Variants in DOCK4 observed in about 807,000 individuals in gnomAD.
DOCK4 encodes the protein dedicator of cytokinesis protein 4.
Under a neutral mutation model 268.1 loss-of-function variants are expected in DOCK4, and 97 were observed. That is an observed-to-expected ratio of 0.36 (90% CI 0.31 to 0.43). The LOEUF (loss-of-function observed/expected upper bound fraction) is 0.43. Ranked by LOEUF, DOCK4 falls within the 20% of genes least tolerant of loss-of-function variation. The probability of loss-of-function intolerance (pLI) is 1.00; values close to 1 mark genes in which losing one functional copy is unlikely to be tolerated. For synonymous variants in DOCK4, 954 were observed against 887.2 expected, an observed-to-expected ratio of 1.08 and a Z score of -1.34; for missense variants, 2,145 against 2,455.7, an observed-to-expected ratio of 0.87 and a Z score of 2.67.
At chr7:111,860,997 G>T (rs1024830083) in intron 23 of DOCK4, among the ~76,000 whole-genome samples, 1 of 152,158 alleles carries the variant, frequency 6.6e-6, no homozygotes, top group African/African-American at 2.4e-5. Flanking sequence ...ACTTAACAAA[G>T]AATTATCTGG....
chr7:111,950,861 T>C (rs954964203), intron 8 of DOCK4, among the ~76,000 whole-genome samples: 4 of 152,226 alleles, frequency 2.6e-5, no homozygotes, highest in African/African-American at 4.8e-5. Context: ...AAAACTATAC[T>C]GATATGTTTT....
chr7:111,903,731 G>A (rs550967043), intron 13 of DOCK4, among the ~76,000 whole-genome samples: 1 of 152,276 alleles, frequency 6.6e-6, no homozygotes, highest in African/African-American at 2.4e-5. Context: ...AGAGGTTTGG[G>A]AGGAAATTCT....
chr7:112,192,016 CTT>C (rs1819998038), intron 1 of DOCK4, among the ~76,000 whole-genome samples: 2 of 147,508 alleles, frequency 1.4e-5, no homozygotes, highest in East Asian at 2.0e-4. Flanking sequence ...TAGTATATAA[CTT>C]AAACATAGTA....
In DOCK4 at chr7:111,892,341, C is replaced by T. The variant is rs138185095; in HGVS notation, c.1587+3271G>A. Among the ~76,000 whole-genome samples the T allele has an allele frequency of 6.6e-5, 10 of 152,300 alleles. No individual in the cohort carries two copies. In the East Asian group the frequency reaches 1.9e-3, roughly 29 times the overall value. ...TCAGCCTCCCAAGTAGCTGGGATTA[C>T]AGGCACCCATGACCACGCTGGACTA... On this transcript the variant is annotated intron_variant, in intron 16 of 52. Coordinates refer to ENST00000428084, the MANE Select transcript of DOCK4 (RefSeq NM_001363540.2).
intron 30 of DOCK4, among the ~76,000 whole-genome samples, chr7:111,797,350 C>A (rs1308058589): frequency 1.3e-5 from 2 of 152,114 alleles, no homozygotes; most frequent in Non-Finnish European, 2.9e-5. Context: ...ATTATAGAAC[C>A]TTAGGCAAAT....
At chr7:111,816,198 TA>T (rs1172702659) in intron 27 of DOCK4, among the ~76,000 whole-genome samples, 6 of 152,168 alleles carry the variant, frequency 3.9e-5, no homozygotes, top group African/African-American at 1.4e-4. Flanking sequence ...TCCAATTTGA[TA>T]ATCTGCTCAT....
intron 13 of DOCK4, among the ~76,000 whole-genome samples, chr7:111,913,801 G>A (rs968736020): frequency 1.3e-5 from 2 of 151,174 alleles, no homozygotes; most frequent in Non-Finnish European, 2.9e-5. Flanking sequence ...AGGATCACTT[G>A]AGCCCAGGAG....
At chr7:111,770,825 G>A (rs142659229) in intron 36 of DOCK4, among the ~76,000 whole-genome samples, 159 of 152,216 alleles carry the variant, frequency 1.0e-3, no homozygotes, top group African/African-American at 3.7e-3. Flanking sequence ...TGCCTTTAGG[G>A]TAACTACACA....
chr7:112,110,451 C>A (rs1811551355), intron 1 of DOCK4, among the ~76,000 whole-genome samples: 1 of 152,130 alleles, frequency 6.6e-6, no homozygotes, highest in African/African-American at 2.4e-5. Flanking sequence ...GCCAAAAAAC[C>A]AAATGGGATA....
chr7:112,073,498 T>C (rs1807789232), intron 1 of DOCK4, among the ~76,000 whole-genome samples: 1 of 152,094 alleles, frequency 6.6e-6, no homozygotes, highest in Non-Finnish European at 1.5e-5. Flanking sequence ...TAAAATGTAA[T>C]GTAAAAAAGG....
At chr7:112,110,064 A>T (rs1811514530) in intron 1 of DOCK4, among the ~76,000 whole-genome samples, 1 of 152,138 alleles carries the variant, frequency 6.6e-6, no homozygotes, top group Non-Finnish European at 1.5e-5. Flanking sequence ...CTTTGAACAC[A>T]GCATTGTATC....
intron 20 of DOCK4, among the ~76,000 whole-genome samples, chr7:111,869,860 C>T (rs1806268144): frequency 6.6e-6 from 1 of 152,090 alleles, no homozygotes; most frequent in Non-Finnish European, 1.5e-5. Context: ...AGAAACAACA[C>T]TCAATCTGGA....
At chr7:111,852,334 A>G (rs1038695878) in intron 23 of DOCK4, among the ~76,000 whole-genome samples, 10 of 152,282 alleles carry the variant, frequency 6.6e-5, no homozygotes, top group African/African-American at 2.2e-4. Flanking sequence ...CAGGTTTAGC[A>G]TCAAAACAGA....
chr7:111,784,393 G>T (rs1013929969), intron 32 of DOCK4: 5 of 639,364 alleles, frequency 7.8e-6, no homozygotes, highest in Non-Finnish European at 1.4e-5. Flanking sequence ...CCTCTCAGTG[G>T]AATGCATCTT....
chr7:111,879,223 C>A (rs138391376), intron 16 of DOCK4, among the ~76,000 whole-genome samples: 1,669 of 152,108 alleles, frequency 0.011, 15 homozygotes, highest in Middle Eastern at 0.037. Flanking sequence ...CATCCTGGGC[C>A]AAAAGGGAGC....
chr7:112,081,868 G>T (rs1808617994), intron 1 of DOCK4, among the ~76,000 whole-genome samples: 1 of 152,162 alleles, frequency 6.6e-6, no homozygotes, highest in Non-Finnish European at 1.5e-5. Context: ...GACCAAAAGA[G>T]GAAGATCACA....
At chr7:111,930,921 GT>G (rs994140927) in intron 12 of DOCK4, among the ~76,000 whole-genome samples, 71 of 152,306 alleles carry the variant, frequency 4.7e-4, no homozygotes, top group Middle Eastern at 6.8e-3. Context: ...CTTTAAATTA[GT>G]TTTTAGGCTT....
At chr7:111,813,684 A>G (rs906721877) in intron 27 of DOCK4, among the ~76,000 whole-genome samples, 1 of 152,222 alleles carries the variant, frequency 6.6e-6, no homozygotes, top group African/African-American at 2.4e-5. Context: ...AATGGCAGAT[A>G]TCATCAGTGC....
intron 1 of DOCK4, among the ~76,000 whole-genome samples, chr7:112,174,237 A>G (rs1298812068): frequency 6.6e-6 from 1 of 152,198 alleles, no homozygotes; most frequent in Non-Finnish European, 1.5e-5. Context: ...ATCCAAAAGC[A>G]GAAATCATTC....
Sources: allele counts gnomAD v4.1 joint callset (sites outside exome capture counted in the v4.1 genomes callset), GRCh38; gene constraint gnomAD v4.1.1; transcripts MANE v1.5; gene names NCBI Gene and HGNC (gene_info 2026-07-23, HGNC 2026-07-21).